PAG1: variants seen among roughly 807,000 people sequenced by gnomAD.
The protein encoded by PAG1 is phosphoprotein membrane anchor with glycosphingolipid microdomains 1.
A neutral mutation model predicts 31.7 loss-of-function variants in PAG1; 23 were observed. That is an observed-to-expected ratio of 0.73 (90% confidence interval 0.52 to 1.03). The LOEUF (loss-of-function observed/expected upper bound fraction) is 1.03, where lower values mean the gene tolerates loss of function less well. PAG1 is among the 50% of genes least tolerant of loss of function. PAG1 has a pLI of 0.00. For missense variants in PAG1, 473 were observed against 540.7 expected, an observed-to-expected ratio of 0.87 and a Z score of 1.24; for synonymous variants, 214 against 210.3, an observed-to-expected ratio of 1.02 and a Z score of -0.15.
At position 80,993,205 on chromosome 8, in the gene PAG1, A is replaced by G. The variant is rs1480648492; in HGVS notation, c.23T>C (p.Leu8Pro). The change falls in exon 4 of 9, where the codon CTG becomes CCG. Residue 8 changes from leucine to proline, a missense_variant. Leu to Pro is a moderately conservative substitution (Grantham distance 98). Coordinates refer to ENST00000220597, the MANE Select transcript of PAG1 (RefSeq NM_018440.4). MGPAGSLLGSGQMQITLW... is the reference protein window; with the variant it reads MGPAGSLPGSGQMQITLW... ...GGTGATCTGCATCTGTCCGCTGCCC[A>G]GCAGGCTCCCCGCGGGCCCCATGGC... The G allele has an allele frequency of 2.0e-5, 33 of 1,611,190 alleles. No individual in the cohort carries two copies. Among genetic ancestry groups the G allele is most frequent in the East Asian group, 1.6e-4 (7 of 44,766 alleles).
rs1338838794 is a variant in PAG1 at position 80,993,252 on chromosome 8, C to CAGG, written c.-26_-25insCCT. On this transcript the variant is annotated 5_prime_UTR_variant, in exon 4 of 9. Coordinates refer to ENST00000220597, the MANE Select transcript of PAG1 (RefSeq NM_018440.4). ...TGGCAGGAGCAGGCACTGGCACCAG[C>CAGG]CGAGGGAATCAGTCAGTCCTTCAAA... The CAGG allele has an allele frequency of 6.3e-7, 1 of 1,589,050 alleles. No homozygotes were observed. Among genetic ancestry groups the CAGG allele is most frequent in the East Asian group, 2.3e-5 (1 of 43,948 alleles).
At chr8:81,000,071 C>T (rs1807758473) in intron 3 of PAG1, among the ~76,000 whole-genome samples, 1 of 152,180 alleles carries the variant, frequency 6.6e-6, no homozygotes, top group African/African-American at 2.4e-5. Context: ...TCACTTTGCA[C>T]AAGAAGGCTT....
intron 6 of PAG1, among the ~76,000 whole-genome samples, chr8:80,986,439 C>T (rs1807424229): frequency 6.6e-6 from 1 of 152,162 alleles, no homozygotes; most frequent in African/African-American, 2.4e-5. Context: ...AACTCTAAAG[C>T]ATGAAGGAAA....
chr8:81,023,870 C>T (rs1286039215), intron 3 of PAG1, among the ~76,000 whole-genome samples: 5 of 152,144 alleles, frequency 3.3e-5, no homozygotes, highest in Admixed American at 3.3e-4. Context: ...ATTATCTACA[C>T]CATGAAAAGT....
intron 2 of PAG1, among the ~76,000 whole-genome samples, chr8:81,061,837 C>A (rs1254068675): frequency 6.6e-6 from 1 of 152,142 alleles, no homozygotes; most frequent in Non-Finnish European, 1.5e-5. Flanking sequence ...GAGAAGGTAG[C>A]CCGTAAGCGG....
In PAG1 at chr8:81,085,221, C is replaced by G. The variant is rs1387035924; in HGVS notation, c.-233-15051G>C. ...TTCATCACATTATTGCTTCATATAG[C>G]CATTTTCTCTTCCTTCGTTGAACAG... On this transcript the variant is annotated intron_variant, in intron 1 of 8. Transcript: ENST00000220597. Among the ~76,000 whole-genome samples, 3 of 152,142 alleles carry G rather than the reference C, an allele frequency of 2.0e-5. 1 individual carries two copies. The East Asian group carries it at 5.8e-4, about 29-fold the overall frequency.
At chr8:81,041,579 T>C (rs1808555600) in intron 2 of PAG1, among the ~76,000 whole-genome samples, 1 of 152,192 alleles carries the variant, frequency 6.6e-6, no homozygotes, top group Non-Finnish European at 1.5e-5. Flanking sequence ...GCTGCAGTTG[T>C]GCAGTGTTAT....
chr8:81,020,761 T>C (rs545864448), intron 3 of PAG1, among the ~76,000 whole-genome samples: 2 of 152,272 alleles, frequency 1.3e-5, no homozygotes, highest in South Asian at 2.1e-4. Flanking sequence ...GTGCCGAAAA[T>C]GATGGGTAAT....
chr8:80,971,307 T>C lies in PAG1; in HGVS notation c.*5237A>G, dbSNP rs769367580. 6.6e-6 allele frequency: 1 copy of C among 152,232 alleles called. No homozygotes were observed. The highest frequency in any genetic ancestry group is 1.5e-5 in the Non-Finnish European group (1 of 68,026). 9.4% of individuals were successfully genotyped at this position (152,232 alleles called of 1,614,324 possible). ...TTTAATACTGATTGGGCCCATGTAA[T>C]AGACAATATGTCACTTTTGGTGTAA... On this transcript the variant is annotated 3_prime_UTR_variant, in exon 9 of 9. Transcript: ENST00000220597.
chr8:80,984,316 G>A (rs531719311), intron 7 of PAG1, among the ~76,000 whole-genome samples: 1 of 152,250 alleles, frequency 6.6e-6, no homozygotes, highest in East Asian at 1.9e-4. Flanking sequence ...ATGAAGGTTT[G>A]TACAATCAGA....
chr8:81,001,173 T>C (rs548349654), intron 3 of PAG1, among the ~76,000 whole-genome samples: 154 of 152,300 alleles, frequency 1.0e-3, no homozygotes, highest in Admixed American at 1.7e-3. Flanking sequence ...GTTTTTTCCT[T>C]CCTTACTCAA....
At chr8:81,028,704 G>A (rs956087812) in intron 3 of PAG1, among the ~76,000 whole-genome samples, 4 of 152,204 alleles carry the variant, frequency 2.6e-5, no homozygotes, top group African/African-American at 9.7e-5. Context: ...CTGATCTGCT[G>A]CTTAGAATTT....
intron 7 of PAG1, among the ~76,000 whole-genome samples, chr8:80,981,970 A>G (rs1022482829): frequency 8.9e-5 from 13 of 145,286 alleles, no homozygotes; most frequent in African/African-American, 3.4e-4. Flanking sequence ...GGCTCAAGCC[A>G]TTGTCCCACC....
At chr8:80,985,976 A>C (rs956773440) in intron 6 of PAG1, among the ~76,000 whole-genome samples, 1 of 152,282 alleles carries the variant, frequency 6.6e-6, no homozygotes, top group African/African-American at 2.4e-5. Flanking sequence ...CCAAATGTGA[A>C]ATTCTTGGCC....
In PAG1 at chr8:80,971,292, A is replaced by T. The variant is rs1807072428; in HGVS notation, c.*5252T>A. ...GAGTAAGGGGAGTACTTTAATACTGATTGGGCCCATGTAATAGACAATATG... is the reference window on the plus strand; with the variant it reads ...GAGTAAGGGGAGTACTTTAATACTGTTTGGGCCCATGTAATAGACAATATG... On this transcript the variant is annotated 3_prime_UTR_variant, in exon 9 of 9. Coordinates refer to ENST00000220597, the MANE Select transcript of PAG1 (RefSeq NM_018440.4). 6.6e-6 allele frequency: 1 copy of T among 152,174 alleles called. No homozygotes were observed. Among genetic ancestry groups the T allele is most frequent in the Non-Finnish European group, 1.5e-5 (1 of 68,034 alleles). 9.4% of individuals were successfully genotyped at this position (152,174 alleles called of 1,614,324 possible). A position where few individuals can be genotyped will look rare whatever the true frequency, so the allele number is the denominator to read the frequency against.
intron 3 of PAG1, among the ~76,000 whole-genome samples, chr8:81,000,312 A>G (rs995020877): frequency 2.6e-5 from 4 of 152,194 alleles, no homozygotes; most frequent in African/African-American, 9.7e-5. Context: ...AGATTCTCAA[A>G]ATGCAAGTTT....
Position 81,075,037 on chromosome 8 carries a change from T to C in PAG1, c.-233-4867A>G, listed in dbSNP as rs149508325. ...CTGGTTAGCCTTCCCTCACTGTCTG[T>C]AGGCAAAGAGCATCTCCTTACTTCC... On this transcript the variant is annotated intron_variant, in intron 1 of 8. Coordinates refer to ENST00000220597, the MANE Select transcript of PAG1 (RefSeq NM_018440.4). 4.7e-3 allele frequency among the ~76,000 whole-genome samples: 721 copies of C among 152,300 alleles called. 5 individuals carry two copies. Among genetic ancestry groups the C allele is most frequent in the South Asian group, 0.014 (66 of 4,824 alleles).
chr8:81,074,994 A>C (rs1023072611), intron 1 of PAG1, among the ~76,000 whole-genome samples: 1 of 152,256 alleles, frequency 6.6e-6, no homozygotes, highest in South Asian at 2.1e-4. Context: ...TTCCCAAAGA[A>C]CGCTGCCCCT....
At chr8:81,030,913 G>A (rs901497440) in intron 2 of PAG1, among the ~76,000 whole-genome samples, 2 of 152,176 alleles carry the variant, frequency 1.3e-5, no homozygotes, top group Admixed American at 6.5e-5. Flanking sequence ...ACGAACAAAC[G>A]GATGAAAGAA....
Sources: allele counts gnomAD v4.1 joint callset (sites outside exome capture counted in the v4.1 genomes callset), GRCh38; gene constraint gnomAD v4.1.1; transcripts MANE v1.5; gene names NCBI Gene and HGNC (gene_info 2026-07-23, HGNC 2026-07-21).